Variants in PLEKHD1 observed in about 807,000 individuals in gnomAD.
PLEKHD1 encodes the protein pleckstrin homology and coiled-coil domain containing D1, also known as pleckstrin homology domain-containing family D member 1.
A neutral mutation model predicts 69.2 loss-of-function variants in PLEKHD1; 51 were observed. The observed-to-expected ratio is 0.74, with a 90% CI of 0.59 to 0.93. The LOEUF is 0.93. Ranked by LOEUF, PLEKHD1 falls within the 40% of genes least tolerant of loss-of-function variation. The pLI, the probability that PLEKHD1 is intolerant of heterozygous loss-of-function variation, is 0.00. For synonymous variants in PLEKHD1, 236 were observed against 244.7 expected, an observed-to-expected ratio of 0.96 and a Z score of 0.33; for missense variants, 584 against 641.0, an observed-to-expected ratio of 0.91 and a Z score of 0.96.
chr14:69,473,851 C>T, the PLEKHD1 span, among the ~76,000 whole-genome samples: 1 of 152,168 alleles, frequency 6.6e-6, no homozygotes, highest in African/African-American at 2.4e-5. Flanking sequence ...AATTTGATAA[C>T]CATCTTCAGA....
intron 6 of PLEKHD1, among the ~76,000 whole-genome samples, chr14:69,508,354 C>T (rs1002661293): frequency 1.3e-5 from 2 of 151,104 alleles, no homozygotes; most frequent in African/African-American, 2.4e-5. Context: ...TACAGTGAGC[C>T]GAGATTGTGC....
At chr14:69,513,508 G>A (rs564755734) in intron 6 of PLEKHD1, among the ~76,000 whole-genome samples, 81 of 152,328 alleles carry the variant, frequency 5.3e-4, no homozygotes, top group Non-Finnish European at 8.5e-4. Context: ...AGTGGCTGAA[G>A]TGTGGCCGCT....
At chr14:69,527,690 C>T (rs1021384308) in intron 11 of PLEKHD1, 93 bp from the exon 12 acceptor site, 39 of 1,443,344 alleles carry the variant, frequency 2.7e-5, no homozygotes, top group Non-Finnish European at 2.8e-6. Context: ...AAATATTTCC[C>T]ACTCAATCTC....
the PLEKHD1 span, among the ~76,000 whole-genome samples, chr14:69,470,759 T>G: frequency 6.6e-6 from 1 of 152,096 alleles, no homozygotes; most frequent in Non-Finnish European, 1.5e-5. Flanking sequence ...TCTTTCTTCT[T>G]TCTTGTCTTT....
intron 6 of PLEKHD1, 48 bp downstream of exon 6, chr14:69,502,927 CGT>C: frequency 6.5e-7 from 1 of 1,542,258 alleles, no homozygotes; most frequent in South Asian, 1.2e-5. Context: ...TAATGGCTCA[CGT>C]TTCTAGCACT....
At chr14:69,473,742 A>C in the PLEKHD1 span, among the ~76,000 whole-genome samples, 25,834 of 152,122 alleles carry the variant, frequency 0.17, 2,365 homozygotes, top group South Asian at 0.24. Flanking sequence ...CAGAGGAGGG[A>C]GCCCAGTGGA....
At chr14:69,522,199 G>A in intron 6 of PLEKHD1, 84 bp from the exon 7 acceptor site, 3 of 1,279,612 alleles carry the variant, frequency 2.3e-6, no homozygotes, top group Non-Finnish European at 3.3e-6. Context: ...AATCCCAGAG[G>A]GTCCCTTGGG....
intron 12 of PLEKHD1, 71 bp from the exon 13 acceptor site, chr14:69,528,179 G>A (rs1218150042): frequency 6.6e-7 from 1 of 1,522,530 alleles, no homozygotes; most frequent in Non-Finnish European, 8.9e-7. Flanking sequence ...GGTGGCATGA[G>A]GCTGGGGACA....
At position 69,527,918 on chromosome 14, in the gene PLEKHD1, C is replaced by A. The variant is rs1480080126; in HGVS notation, c.1337C>A (p.Thr446Asn). 1 of 1,551,574 alleles carries A rather than the reference C, an allele frequency of 6.4e-7. No individual in the cohort carries two copies. Among genetic ancestry groups the A allele is most frequent in the Non-Finnish European group, 8.7e-7 (1 of 1,147,014 alleles). The change falls in exon 12 of 13, where the codon ACC becomes AAC. Residue 446 changes from threonine (T) to asparagine (N), a missense_variant. Coordinates refer to ENST00000322564, the MANE Select transcript of PLEKHD1 (RefSeq NM_001161498.2). ...SCRFHRRRSS[T>N]SWNDMKPSQS... The stretch of plus-strand genomic sequence containing the variant: ...CGCTTCCACCGACGCCGGTCCAGCA[C>A]CTCCTGGAATGACAGTGAGTGTGGC...
At chr14:69,489,660 C>T (rs1357889867) in intron 1 of PLEKHD1, among the ~76,000 whole-genome samples, 2 of 151,554 alleles carry the variant, frequency 1.3e-5, no homozygotes, top group African/African-American at 4.8e-5. Flanking sequence ...TAACCAGCTG[C>T]ATGATCCAGG....
chr14:69,515,968 T>G (rs1883376324), intron 6 of PLEKHD1, among the ~76,000 whole-genome samples: 1 of 152,222 alleles, frequency 6.6e-6, no homozygotes, highest in Admixed American at 6.5e-5. Flanking sequence ...ACTTCTCTGA[T>G]GATGTAAGAA....
In PLEKHD1 at chr14:69,515,705, G is replaced by A. The variant is rs888361400; in HGVS notation, c.556-6578G>A. Among the ~76,000 whole-genome samples, 5 of 152,128 alleles carry A rather than the reference G, an allele frequency of 3.3e-5. 1 individual carries two copies. In the South Asian group the frequency reaches 6.2e-4, roughly 19 times the overall value. On this transcript the variant is annotated intron_variant, in intron 6 of 12. Transcript: ENST00000322564. The stretch of plus-strand genomic sequence containing the variant: ...CAGGAGCAAGAGAGAGAGCATGGGC[G>A]CGGGGAAGTGCCACACACTTTAAAC...
At chr14:69,518,754 G>A (rs1347769450) in intron 6 of PLEKHD1, among the ~76,000 whole-genome samples, 1 of 152,138 alleles carries the variant, frequency 6.6e-6, no homozygotes, top group Non-Finnish European at 1.5e-5. Context: ...GGTTAGTGTT[G>A]TTTTATGGCC....
intron 1 of PLEKHD1, 77 bp from the exon 2 acceptor site, chr14:69,500,038 C>T (rs1251439498): frequency 1.9e-6 from 2 of 1,034,436 alleles, no homozygotes; most frequent in African/African-American, 1.6e-5. Context: ...CCAGGGCCCC[C>T]AAGGGTGCTC....
rs548831918 is a variant in PLEKHD1, at chr14:69,526,260, G to T, written c.923+138G>T. ...CTCACTTCCTTTTGCCTAGGACTCT[G>T]TTTTCCCACCAGGAAAGTGGGAAGA... On this transcript the variant is annotated intron_variant, in intron 9 of 12. Coordinates refer to ENST00000322564, the MANE Select transcript of PLEKHD1 (RefSeq NM_001161498.2). 3.1e-4 allele frequency: 285 copies of T among 920,944 alleles called. 1 individual carries two copies. The highest frequency in any genetic ancestry group is 4.3e-4 in the Non-Finnish European group (270 of 630,854). 57.0% of individuals were successfully genotyped at this position (920,944 alleles called of 1,614,324 possible).
chr14:69,518,817 G>C (rs903801866), intron 6 of PLEKHD1, among the ~76,000 whole-genome samples: 1 of 152,180 alleles, frequency 6.6e-6, no homozygotes, highest in Non-Finnish European at 1.5e-5. Flanking sequence ...GCAGCTTTTG[G>C]CTCAAGTGGA....
chr14:69,497,420 T>C (rs947386448), intron 1 of PLEKHD1, among the ~76,000 whole-genome samples: 11 of 152,216 alleles, frequency 7.2e-5, no homozygotes, highest in African/African-American at 9.6e-5. Context: ...TGATGCCCCA[T>C]TGGGGCAAGA....
Position 69,528,427 on chromosome 14 carries a change from T to G in PLEKHD1, c.*8T>G, listed in dbSNP as rs1163578619. 2.6e-6 allele frequency: 4 copies of G among 1,548,850 alleles called. No homozygotes were observed. The stretch of plus-strand genomic sequence containing the variant: ...TCCCGGGGTGGAAAGTGATGGGCGC[T>G]CCTCCCCTGCTTCCCAAGTCTCCCC... On this transcript the variant is annotated 3_prime_UTR_variant, in exon 13 of 13. Coordinates refer to ENST00000322564, the MANE Select transcript of PLEKHD1 (RefSeq NM_001161498.2).
chr14:69,513,553 C>T (rs1024668062), intron 6 of PLEKHD1, among the ~76,000 whole-genome samples: 3 of 152,196 alleles, frequency 2.0e-5, no homozygotes, highest in Middle Eastern at 3.2e-3. Context: ...GTTACAGGTG[C>T]ATACTATTAA....
Sources: gnomAD v4.1 joint callset for allele counts (sites outside exome capture counted in the v4.1 genomes callset) on GRCh38, gnomAD v4.1.1 for gene constraint, MANE v1.5 for transcripts, NCBI Gene and HGNC (gene_info 2026-07-23, HGNC 2026-07-21) for gene names.